The following COPB1 variants were observed in gnomAD, a reference collection of about 807,000 sequenced individuals.
The protein encoded by COPB1 is coat protein complex I subunit beta 1.
In COPB1, 21 loss-of-function variants were observed where a neutral mutation model predicts 108.7. The observed-to-expected ratio is 0.19, with a 90% CI of 0.14 to 0.28. The LOEUF is 0.28. Among genes scored for constraint, COPB1 ranks in the 10% least tolerant of loss-of-function variants. The probability of loss-of-function intolerance (pLI) is 1.00; values close to 1 mark genes in which losing one functional copy is unlikely to be tolerated. For missense variants in COPB1, 919 were observed against 1,141.3 expected, an observed-to-expected ratio of 0.81 and a Z score of 2.81; for synonymous variants, 378 against 386.8, an observed-to-expected ratio of 0.98 and a Z score of 0.27.
chr11:14,492,987 A>G (rs1850941651), intron 4 of COPB1, among the ~76,000 whole-genome samples: 1 of 152,056 alleles, frequency 6.6e-6, no homozygotes, highest in Non-Finnish European at 1.5e-5. Flanking sequence ...ATCTACTAAA[A>G]ATACAAAAAT....
At position 14,494,435 on chromosome 11, in the gene COPB1, T is replaced by A; in HGVS notation, c.96A>T (p.Lys32Asn). Residue 32 changes from lysine (K) to asparagine (N), a missense_variant, in exon 3 of 22, where the codon AAA becomes AAT. Physicochemically the swap from Lys to Asn is moderately conservative, Grantham distance 94 (BLOSUM62 0). Coordinates refer to ENST00000439561, the MANE Select transcript of COPB1 (RefSeq NM_001144061.2). ...CTTCAGTCTTTGACTTTACATCTCCTTTTTCTGAATCAAAAATTTTTTTAA... is the reference window on the plus strand; with the variant it reads ...CTTCAGTCTTTGACTTTACATCTCCATTTTCTGAATCAAAAATTTTTTTAA... ...SEISLKNDLE[K>N]GDVKSKTEAL... The A allele has an allele frequency of 6.6e-7, 1 of 1,504,964 alleles. No homozygotes were observed. Among genetic ancestry groups the A allele is most frequent in the Non-Finnish European group, 9.0e-7 (1 of 1,110,286 alleles). The allele number at this position is 1,504,964 out of a possible 1,614,324, so 93.2% of individuals were successfully genotyped here.
At chr11:14,485,535 A>C (rs554771106) in intron 7 of COPB1, among the ~76,000 whole-genome samples, 32 of 152,316 alleles carry the variant, frequency 2.1e-4, no homozygotes, top group African/African-American at 7.7e-4. Context: ...AAGCCTTACC[A>C]ATGACACAGT....
At position 14,464,927 on chromosome 11, in the gene COPB1, T is replaced by A; in HGVS notation, c.2394A>T (p.Ile798=). ...NVKVASTENG[I]IFGNIVYDVS... Reference sequence around the variant, plus strand: ...GCACCTTACCTATATTACCAAAAATTATTCCATTTTCTGTTGATGCTACTT... The same window carrying A: ...GCACCTTACCTATATTACCAAAAATAATTCCATTTTCTGTTGATGCTACTT... Residue 798 remains isoleucine (I), a synonymous_variant, in exon 18 of 22, where the codon ATA becomes ATT. Coordinates refer to ENST00000439561, the MANE Select transcript of COPB1 (RefSeq NM_001144061.2). 1 of 1,613,148 alleles carries A rather than the reference T, an allele frequency of 6.2e-7. No homozygotes were observed. The highest frequency in any genetic ancestry group is 8.5e-7 in the Non-Finnish European group (1 of 1,179,624).
chr11:14,462,975 A>G (rs985068718), intron 18 of COPB1, among the ~76,000 whole-genome samples: 1 of 151,714 alleles, frequency 6.6e-6, no homozygotes, highest in African/African-American at 2.4e-5. Flanking sequence ...ATTTCTTCAT[A>G]TCGTATTTAG....
At chr11:14,468,643 G>A (rs763589901) in intron 16 of COPB1, 38 bp downstream of exon 16, 4 of 1,584,136 alleles carry the variant, frequency 2.5e-6, no homozygotes, top group East Asian at 2.2e-5. Flanking sequence ...TTAAGGAGTC[G>A]ATTTAAATAA....
At chr11:14,478,343 G>T (rs1315988121) in intron 11 of COPB1, among the ~76,000 whole-genome samples, 1 of 151,326 alleles carries the variant, frequency 6.6e-6, no homozygotes, top group Non-Finnish European at 1.5e-5. Flanking sequence ...GGGAGGATGA[G>T]GTGGGAGGAT....
intron 10 of COPB1, among the ~76,000 whole-genome samples, 200 bp downstream of exon 10, chr11:14,480,558 GT>G (rs1220871837): frequency 6.6e-6 from 1 of 151,768 alleles, no homozygotes; most frequent in Non-Finnish European, 1.5e-5. Context: ...CACTGTTTTT[GT>G]TTTTTTGATG....
chr11:14,496,086 A>T (rs1851010862), intron 2 of COPB1, among the ~76,000 whole-genome samples: 1 of 152,210 alleles, frequency 6.6e-6, no homozygotes, highest in South Asian at 2.1e-4. Context: ...GGGAATAGGC[A>T]AGTAAAATAT....
intron 21 of COPB1, among the ~76,000 whole-genome samples, chr11:14,458,290 G>A (rs1850071704): frequency 6.6e-6 from 1 of 151,842 alleles, no homozygotes; most frequent in Admixed American, 6.6e-5. Context: ...AAATTCTAGA[G>A]AACCCATTTC....
In COPB1 at chr11:14,474,390, TC is replaced by T. The variant is rs901205447; in HGVS notation, c.1737+104del. 3.0e-6 allele frequency: 3 copies of T among 1,008,096 alleles called. No individual in the cohort carries two copies. The African/African-American group carries it at 4.9e-5, about 16-fold the overall frequency. The allele number at this position is 1,008,096 out of a possible 1,614,324, so 62.4% of individuals were successfully genotyped here. On this transcript the variant is annotated intron_variant, in intron 14 of 21. Coordinates refer to ENST00000439561, the MANE Select transcript of COPB1 (RefSeq NM_001144061.2). Reference sequence around the variant, plus strand: ...TTCTGCTATTAAATCATAAACTCTTTCATGACAGAAACTTAGCATTAATTTT... The same window carrying T: ...TTCTGCTATTAAATCATAAACTCTTTATGACAGAAACTTAGCATTAATTTT...
At chr11:14,470,899 T>TATACAC (rs1224471346) in intron 14 of COPB1, among the ~76,000 whole-genome samples, 3 of 134,766 alleles carry the variant, frequency 2.2e-5, no homozygotes, top group Non-Finnish European at 4.7e-5. Context: ...GTGGAAGAAA[T>TATACAC]ACACACACAC....
chr11:14,470,942 A>T (rs377215708), intron 14 of COPB1, among the ~76,000 whole-genome samples: 56 of 87,050 alleles, frequency 6.4e-4, no homozygotes, highest in East Asian at 3.3e-3. Flanking sequence ...ACACACACAC[A>T]CACTCTCTCT....
At chr11:14,474,424 C>T in intron 14 of COPB1, 71 bp downstream of exon 14, 9 of 1,414,996 alleles carry the variant, frequency 6.4e-6, no homozygotes, top group South Asian at 2.6e-5. Flanking sequence ...TTTTGAGTCC[C>T]TCACTGTTCA....
At chr11:14,498,387 T>C (rs1486346174) in intron 2 of COPB1, among the ~76,000 whole-genome samples, 1 of 152,224 alleles carries the variant, frequency 6.6e-6, no homozygotes, top group Non-Finnish European at 1.5e-5. Flanking sequence ...AAAGGTAAAC[T>C]TTTCTGGAAA....
rs528183331 is a variant in COPB1 at position 14,470,157 on chromosome 11, G to T, written c.1738-594C>A. On this transcript the variant is annotated intron_variant, in intron 14 of 21. Transcript: ENST00000439561. Reference sequence around the variant, plus strand: ...GTTTTTGTTTTATTTTTTAAATCCAGGATCAGCTTCATGCATTTTATCCCT... The same window carrying T: ...GTTTTTGTTTTATTTTTTAAATCCATGATCAGCTTCATGCATTTTATCCCT... 2.6e-5 allele frequency among the ~76,000 whole-genome samples: 4 copies of T among 152,262 alleles called. No homozygotes were observed. The South Asian group carries it at 8.3e-4, about 32-fold the overall frequency.
chr11:14,466,828 T>C (rs184192618), intron 16 of COPB1, among the ~76,000 whole-genome samples: 1 of 152,314 alleles, frequency 6.6e-6, no homozygotes, highest in East Asian at 1.9e-4. Flanking sequence ...CTACTTGATC[T>C]ATGAAACTCA....
intron 4 of COPB1, among the ~76,000 whole-genome samples, chr11:14,492,829 T>A (rs1423023125): frequency 1.3e-5 from 2 of 152,160 alleles, no homozygotes. Flanking sequence ...TTCATCTAAC[T>A]GGTTCCTTAA....
chr11:14,481,323 CAAGCTA>C (rs1290499179), intron 8 of COPB1, among the ~76,000 whole-genome samples: 1 of 152,196 alleles, frequency 6.6e-6, no homozygotes, highest in African/African-American at 2.4e-5. Context: ...TTGACTCTGT[CAAGCTA>C]AAGCTAAAGC....
chr11:14,493,202 C>G (rs761630824), intron 4 of COPB1, among the ~76,000 whole-genome samples: 1 of 152,122 alleles, frequency 6.6e-6, no homozygotes, highest in Non-Finnish European at 1.5e-5. Context: ...AAGAATTGGA[C>G]TCAGTTATAA....
Sources: gnomAD v4.1 joint callset for allele counts (sites outside exome capture counted in the v4.1 genomes callset) on GRCh38, gnomAD v4.1.1 for gene constraint, MANE v1.5 for transcripts, NCBI Gene and HGNC (gene_info 2026-07-23, HGNC 2026-07-21) for gene names.